The following SLC37A3 variants were observed in gnomAD, a reference collection of about 807,000 sequenced individuals.
SLC37A3 encodes the protein sugar phosphate exchanger 3.
SLC37A3 carries 51 observed loss-of-function variants against 67.1 expected under a neutral mutation model. The observed-to-expected ratio is 0.76, with a 90% confidence interval of 0.61 to 0.96. The LOEUF is 0.96. SLC37A3 is among the 40% of genes least tolerant of loss of function. The pLI is 0.00. For missense variants in SLC37A3, 508 were observed against 603.0 expected (o/e 0.84, Z 1.65); for synonymous variants, 214 against 231.4 (o/e 0.92, Z 0.68).
intron 11 of SLC37A3, 80 bp downstream of exon 11, chr7:140,345,788 TG>T: frequency 8.9e-7 from 1 of 1,118,084 alleles, no homozygotes; most frequent in Non-Finnish European, 1.4e-6. Context: ...TCCCCAGCAC[TG>T]GTCACTGACT....
At chr7:140,362,224 C>T (rs1443293214) in intron 5 of SLC37A3, among the ~76,000 whole-genome samples, 1 of 140,676 alleles carries the variant, frequency 7.1e-6, no homozygotes, top group African/African-American at 2.6e-5. Flanking sequence ...ATGTGAGGAG[C>T]GCCTCTGCTG....
intron 11 of SLC37A3, among the ~76,000 whole-genome samples, chr7:140,345,503 T>A (rs570949538): frequency 1.7e-4 from 24 of 143,910 alleles, no homozygotes; most frequent in Middle Eastern, 7.0e-3. Flanking sequence ...CTCAGCAGCA[T>A]CTTAAGGGAA....
rs940449883 is a variant in SLC37A3 at position 140,336,588 on chromosome 7, G to A, written c.1392+696C>T. 3.9e-5 allele frequency among the ~76,000 whole-genome samples: 6 copies of A among 152,258 alleles called. No homozygotes were observed. The East Asian group carries it at 1.2e-3, about 29-fold the overall frequency. The stretch of plus-strand genomic sequence containing the variant: ...ACATGACAGTGTTGATTACAGCAAT[G>A]CTTCTCTTTTAACTCAAGTGTTGCT... On this transcript the variant is annotated intron_variant, in intron 14 of 14. Coordinates refer to ENST00000326232, the MANE Select transcript of SLC37A3 (RefSeq NM_207113.3).
At chr7:140,389,792 C>G (rs951138911) in intron 1 of SLC37A3, among the ~76,000 whole-genome samples, 2 of 152,200 alleles carry the variant, frequency 1.3e-5, no homozygotes, top group African/African-American at 4.8e-5. Flanking sequence ...ATTATTATTT[C>G]TAATTTCACT....
chr7:140,341,290 A>G (rs966758013), intron 13 of SLC37A3, among the ~76,000 whole-genome samples: 7 of 152,230 alleles, frequency 4.6e-5, no homozygotes, highest in Admixed American at 2.6e-4. Flanking sequence ...AGATACTGCA[A>G]TTTAATCTTA....
intron 6 of SLC37A3, among the ~76,000 whole-genome samples, chr7:140,358,283 A>G (rs1241988989): frequency 6.6e-6 from 1 of 152,192 alleles, no homozygotes; most frequent in Non-Finnish European, 1.5e-5. Context: ...AAAAAAGGGC[A>G]GGGAAGGCAA....
At chr7:140,336,509 C>T (rs948302759) in intron 14 of SLC37A3, among the ~76,000 whole-genome samples, 6 of 152,226 alleles carry the variant, frequency 3.9e-5, no homozygotes, top group African/African-American at 1.4e-4. Flanking sequence ...CCAAGAATGT[C>T]TAGGGCATCA....
intron 3 of SLC37A3, among the ~76,000 whole-genome samples, chr7:140,370,031 A>T (rs953313824): frequency 2.0e-5 from 3 of 152,002 alleles, no homozygotes; most frequent in Non-Finnish European, 4.4e-5. Flanking sequence ...AATTGCTTGA[A>T]CCCAGGAGGC....
chr7:140,362,942 T>G (rs531146490), intron 5 of SLC37A3, among the ~76,000 whole-genome samples: 8 of 42,024 alleles, frequency 1.9e-4, no homozygotes, highest in Admixed American at 4.6e-4. Flanking sequence ...GGGAGGGAGG[T>G]GGCGGGGTCA....
chr7:140,374,407 G>C (rs953213135), intron 3 of SLC37A3, among the ~76,000 whole-genome samples: 2 of 150,108 alleles, frequency 1.3e-5, no homozygotes, highest in Non-Finnish European at 2.9e-5. Flanking sequence ...TGAGACGGGA[G>C]AATCACTTGA....
intron 13 of SLC37A3, among the ~76,000 whole-genome samples, chr7:140,342,752 A>G (rs1419803127): frequency 6.6e-6 from 1 of 151,174 alleles, no homozygotes; most frequent in Non-Finnish European, 1.5e-5. Flanking sequence ...CAAACATCTG[A>G]GTGTGGAAGA....
At position 140,366,301 on chromosome 7, in the gene SLC37A3, G is replaced by A. The variant is rs975073187; in HGVS notation, c.292-1810C>T. 5.9e-5 allele frequency among the ~76,000 whole-genome samples: 9 copies of A among 152,170 alleles called. 1 individual carries two copies. The South Asian group carries it at 1.0e-3, about 18-fold the overall frequency. On this transcript the variant is annotated intron_variant, in intron 4 of 14. Coordinates refer to ENST00000326232, the MANE Select transcript of SLC37A3 (RefSeq NM_207113.3). ...TTTTTGTATTTTCAGTAGAGATGGG[G>A]TTCTGCCATGTTGGCCAGGCTGGTC...
chr7:140,351,229 C>A, intron 9 of SLC37A3, 44 bp downstream of exon 9: 2 of 1,572,050 alleles, frequency 1.3e-6, no homozygotes, highest in Non-Finnish European at 1.7e-6. Flanking sequence ...ATGTCACGGG[C>A]TCTCATACCT....
intron 3 of SLC37A3, 112 bp from the exon 4 acceptor site, chr7:140,369,794 C>G (rs1797749037): frequency 2.6e-6 from 2 of 770,310 alleles, no homozygotes; most frequent in Non-Finnish European, 4.3e-6. Flanking sequence ...TCAAGAACAA[C>G]TTTTACTTCA....
chr7:140,350,164 G>A (rs1414555635), intron 9 of SLC37A3, among the ~76,000 whole-genome samples: 1 of 152,106 alleles, frequency 6.6e-6, no homozygotes, highest in Non-Finnish European at 1.5e-5. Flanking sequence ...AAACACAACA[G>A]CCCAATGTTA....
chr7:140,343,551 C>A lies in SLC37A3; in HGVS notation c.1187G>T (p.Gly396Val). The A allele has an allele frequency of 6.2e-7, 1 of 1,614,050 alleles. No individual in the cohort carries two copies. Among genetic ancestry groups the A allele is most frequent in the Non-Finnish European group, 8.5e-7 (1 of 1,179,984 alleles). ...AGAACTAATCATATTAGAAGGTCCA[C>A]CAATAAAAAATCCTGAAGTCATAAA... Reference protein sequence around the residue: ...LLMTVTGFFIGGPSNMISSAI... With the variant: ...LLMTVTGFFIVGPSNMISSAI... Residue 396 changes from glycine (G) to valine (V), a missense_variant, in exon 13 of 15, where the codon GGT becomes GTT. Transcript: ENST00000326232.
At chr7:140,363,701 T>A (rs78535333) in intron 5 of SLC37A3, among the ~76,000 whole-genome samples, 45,686 of 83,366 alleles carry the variant, frequency 0.55, 8,925 homozygotes, top group Middle Eastern at 0.59. Flanking sequence ...AAAAAAAAAA[T>A]AAATAAAAAA....
chr7:140,361,048 G>A (rs1359341294), intron 5 of SLC37A3, among the ~76,000 whole-genome samples: 1 of 152,136 alleles, frequency 6.6e-6, no homozygotes, highest in East Asian at 1.9e-4. Context: ...AGGCACTGCA[G>A]CTCAGAAGCG....
chr7:140,377,344 C>A (rs1352939952), intron 3 of SLC37A3, among the ~76,000 whole-genome samples: 2 of 152,034 alleles, frequency 1.3e-5, no homozygotes, highest in African/African-American at 2.4e-5. Flanking sequence ...GGATTACAGG[C>A]CTGAGCCATC....
Sources: gnomAD v4.1 joint callset for allele counts (sites outside exome capture counted in the v4.1 genomes callset) on GRCh38, gnomAD v4.1.1 for gene constraint, MANE v1.5 for transcripts, NCBI Gene and HGNC (gene_info 2026-07-23, HGNC 2026-07-21) for gene names.